DSCAML1: variants seen among roughly 807,000 people sequenced by gnomAD.
The protein encoded by DSCAML1 is cell adhesion molecule DSCAML1.
DSCAML1 carries 38 observed loss-of-function variants against 200.5 expected under a neutral mutation model. The ratio of observed to expected loss-of-function variants is 0.19; its 90% CI spans 0.15 to 0.25. DSCAML1 has a LOEUF of 0.25. DSCAML1 is among the 10% of genes least tolerant of loss of function. The pLI is 1.00. For missense variants in DSCAML1, 2,223 were observed against 2,858.8 expected, an observed-to-expected ratio of 0.78 and a Z score of 5.07; for synonymous variants, 1,215 against 1,165.0, an observed-to-expected ratio of 1.04 and a Z score of -0.87.
intron 3 of DSCAML1, among the ~76,000 whole-genome samples, chr11:117,583,879 G>T (rs1469175043): frequency 6.6e-6 from 1 of 152,216 alleles, no homozygotes; most frequent in Non-Finnish European, 1.5e-5. Context: ...TCACTTTAGC[G>T]TTGCTCTTCT....
chr11:117,556,355 G>A (rs776961877), intron 3 of DSCAML1, among the ~76,000 whole-genome samples: 5 of 152,160 alleles, frequency 3.3e-5, no homozygotes, highest in Non-Finnish European at 7.4e-5. Context: ...TAGCTCATCT[G>A]ATGGGCCACA....
chr11:117,504,073 G>A lies in DSCAML1; in HGVS notation c.2183-52C>T. ...CTGAGTCTGCACTGGGGCATAAGCT[G>A]AGAGTGCCCCAGGAGTGGCCCTGAC... On this transcript the variant is annotated intron_variant, in intron 10 of 32. Coordinates refer to ENST00000651296, the MANE Select transcript of DSCAML1 (RefSeq NM_020693.4). This position sits in a 1 kb window ranked among gnomAD's most constrained non-coding sequence, Gnocchi z 5.0. The A allele has an allele frequency of 6.3e-7, 1 of 1,594,448 alleles. No individual in the cohort carries two copies. The highest frequency in any genetic ancestry group is 1.1e-5 in the South Asian group (1 of 88,384).
chr11:117,736,956 C>A (rs2054327390), intron 3 of DSCAML1, among the ~76,000 whole-genome samples: 1 of 152,096 alleles, frequency 6.6e-6, no homozygotes, highest in South Asian at 2.1e-4. Flanking sequence ...GGTAATGAGA[C>A]CTAGATTGCA....
intron 3 of DSCAML1, among the ~76,000 whole-genome samples, chr11:117,720,482 G>A (rs1377181513): frequency 6.6e-6 from 1 of 152,204 alleles, no homozygotes; most frequent in South Asian, 2.1e-4. Context: ...TTTGGAGCTG[G>A]CTCCAAGAGC....
At chr11:117,693,069 G>A (rs986301671) in intron 3 of DSCAML1, among the ~76,000 whole-genome samples, 1 of 152,208 alleles carries the variant, frequency 6.6e-6, no homozygotes, top group Non-Finnish European at 1.5e-5. Flanking sequence ...ACAGCACAGA[G>A]TACGGGAAGC....
chr11:117,457,300 G>T (rs1356490441), intron 19 of DSCAML1, among the ~76,000 whole-genome samples: 1 of 152,226 alleles, frequency 6.6e-6, no homozygotes, highest in East Asian at 1.9e-4. Context: ...TTGCAGGGAG[G>T]GGTGATGCCC....
chr11:117,486,295 A>G (rs73024358), intron 11 of DSCAML1, among the ~76,000 whole-genome samples: 28,372 of 126,324 alleles, frequency 0.22, 2,900 homozygotes, highest in South Asian at 0.31. Flanking sequence ...TGAAAATGGC[A>G]GATGTGAAAG....
At position 117,518,239 on chromosome 11, in the gene DSCAML1, T is replaced by G. The variant is rs2049814407; in HGVS notation, c.1510+227A>C. Among the ~76,000 whole-genome samples, 1 of 150,942 alleles carries G rather than the reference T, an allele frequency of 6.6e-6. No individual in the cohort carries two copies. The highest frequency in any genetic ancestry group is 2.0e-4 in the East Asian group (1 of 5,128). ...GGACAGGAGGAAGGAGGAGGGGGAA[T>G]GGGGAGGTGAATGAGGGTGAACTGT... On this transcript the variant is annotated intron_variant, in intron 7 of 32. Coordinates refer to ENST00000651296, the MANE Select transcript of DSCAML1 (RefSeq NM_020693.4). The surrounding 1 kb of genome is among the most constrained non-coding windows in gnomAD (Gnocchi z 6.3).
intron 3 of DSCAML1, among the ~76,000 whole-genome samples, chr11:117,534,176 G>A (rs1173948498): frequency 6.6e-6 from 1 of 152,200 alleles, no homozygotes; most frequent in African/African-American, 2.4e-5. Flanking sequence ...CTCTGCTCTT[G>A]TGAGGAATAT....
chr11:117,708,631 C>T (rs1420324333), intron 3 of DSCAML1, among the ~76,000 whole-genome samples: 1 of 152,202 alleles, frequency 6.6e-6, no homozygotes, highest in Non-Finnish European at 1.5e-5. Context: ...AGATAACTTC[C>T]TTCACACCTA....
At chr11:117,617,726 T>C (rs2051840620) in intron 3 of DSCAML1, among the ~76,000 whole-genome samples, 1 of 141,474 alleles carries the variant, frequency 7.1e-6, no homozygotes, top group Non-Finnish European at 1.5e-5. Context: ...ACACACACTC[T>C]CACTGCAGAG....
At position 117,576,770 on chromosome 11, in the gene DSCAML1, C is replaced by T. The variant is rs185767007; in HGVS notation, c.512-44248G>A. On this transcript the variant is annotated intron_variant, in intron 3 of 32. Coordinates refer to ENST00000651296, the MANE Select transcript of DSCAML1 (RefSeq NM_020693.4). ...GTGTTGCTGCCGGAGCAATGTGGCCCAGCTGTGCCCCGAGTGTCAGGGAAC... is the reference window on the plus strand; with the variant it reads ...GTGTTGCTGCCGGAGCAATGTGGCCTAGCTGTGCCCCGAGTGTCAGGGAAC... 8.0e-3 allele frequency among the ~76,000 whole-genome samples: 1,212 copies of T among 152,296 alleles called. 6 individuals are homozygous for T. Among genetic ancestry groups the T allele is most frequent in the Non-Finnish European group, 0.012 (840 of 68,022 alleles).
chr11:117,666,417 A>C (rs17121057), intron 3 of DSCAML1, among the ~76,000 whole-genome samples: 5,215 of 152,272 alleles, frequency 0.034, 171 homozygotes, highest in South Asian at 0.12. Flanking sequence ...ACATTATAAC[A>C]GAGTACCCCT....
rs2049151989 is a variant in DSCAML1, at chr11:117,489,875, C to G, written c.2360-7713G>C. Reference sequence around the variant, plus strand: ...GTGAGACTCTCCAGGGCAGAAGCATCTCTATTCCAGGGCTTAGCTCGTGTT... The same window carrying G: ...GTGAGACTCTCCAGGGCAGAAGCATGTCTATTCCAGGGCTTAGCTCGTGTT... On this transcript the variant is annotated intron_variant, in intron 11 of 32. Transcript: ENST00000651296. The surrounding 1 kb of genome is among the most constrained non-coding windows in gnomAD (Gnocchi z 4.8). 6.6e-6 allele frequency among the ~76,000 whole-genome samples: 1 copy of G among 152,216 alleles called. No homozygotes were observed.
At chr11:117,696,760 G>A (rs1333147233) in intron 3 of DSCAML1, among the ~76,000 whole-genome samples, 1 of 152,150 alleles carries the variant, frequency 6.6e-6, no homozygotes. Flanking sequence ...GGCTTCACAT[G>A]GGGGCTGGAA....
At chr11:117,794,669 G>A (rs1457799416) in intron 1 of DSCAML1, among the ~76,000 whole-genome samples, 2 of 151,966 alleles carry the variant, frequency 1.3e-5, no homozygotes, top group African/African-American at 4.8e-5. Context: ...TGCCGCGGGG[G>A]TGACTGGCAA....
At chr11:117,547,733 C>T (rs1396215636) in intron 3 of DSCAML1, among the ~76,000 whole-genome samples, 1 of 152,212 alleles carries the variant, frequency 6.6e-6, no homozygotes, top group African/African-American at 2.4e-5. Flanking sequence ...TTCATTCTCA[C>T]TATAGCCAGA....
At chr11:117,657,258 C>T (rs989377378) in intron 3 of DSCAML1, among the ~76,000 whole-genome samples, 2 of 152,210 alleles carry the variant, frequency 1.3e-5, no homozygotes, top group African/African-American at 2.4e-5. Context: ...AAAACCATAA[C>T]CCAATGGGCT....
chr11:117,453,044 C>T (rs2048309381), intron 19 of DSCAML1, among the ~76,000 whole-genome samples: 1 of 152,176 alleles, frequency 6.6e-6, no homozygotes, highest in African/African-American at 2.4e-5. Flanking sequence ...CAGCAATTCT[C>T]CTGCCTCAGC....
Sources: allele counts gnomAD v4.1 joint callset (sites outside exome capture counted in the v4.1 genomes callset), GRCh38; gene constraint gnomAD v4.1.1; non-coding constraint Gnocchi (gnomAD v3.1); transcripts MANE v1.5; gene names NCBI Gene and HGNC (gene_info 2026-07-23, HGNC 2026-07-21).